TRIP4: variants seen among roughly 807,000 people sequenced by gnomAD.
TRIP4 encodes activating signal cointegrator 1.
TRIP4 carries 54 observed loss-of-function variants against 81.8 expected under a neutral mutation model. The observed-to-expected ratio is 0.66, with a 90% CI of 0.53 to 0.83. The LOEUF (loss-of-function observed/expected upper bound fraction) is 0.83, where lower values mean the gene tolerates loss of function less well. Ranked by LOEUF, TRIP4 falls within the 40% of genes least tolerant of loss-of-function variation. The probability of loss-of-function intolerance (pLI) is 0.00; values close to 1 mark genes in which losing one functional copy is unlikely to be tolerated. For missense variants in TRIP4, 662 were observed against 683.6 expected (o/e 0.97, Z 0.35); for synonymous variants, 270 against 242.8 (o/e 1.11, Z -1.04).
intron 8 of TRIP4, among the ~76,000 whole-genome samples, chr15:64,417,453 A>C (rs1891912884): frequency 2.1e-5 from 2 of 93,116 alleles, no homozygotes. Flanking sequence ...CAGCTTTATA[A>C]ATTATTAATT....
chr15:64,387,988 G>A (rs375248064), intron 1 of TRIP4, 24 bp downstream of exon 1: 30 of 1,540,800 alleles, frequency 1.9e-5, no homozygotes, highest in African/African-American at 2.7e-5. Context: ...GGGTCCAAGC[G>A]GGGAAGGAGC....
At chr15:64,397,993 C>G in intron 4 of TRIP4, among the ~76,000 whole-genome samples, 175 bp downstream of exon 4, 1 of 152,098 alleles carries the variant, frequency 6.6e-6, no homozygotes, top group South Asian at 2.1e-4. Flanking sequence ...CTCTGCCTCC[C>G]GGGTTCATGC....
At position 64,446,063 on chromosome 15, in the gene TRIP4, AG is replaced by A. The variant is rs1892625762; in HGVS notation, c.1678+957del. Among the ~76,000 whole-genome samples, 4 of 152,054 alleles carry A rather than the reference AG, an allele frequency of 2.6e-5. No individual in the cohort carries two copies. The South Asian group carries it at 8.3e-4, about 32-fold the overall frequency. On this transcript the variant is annotated intron_variant, in intron 12 of 12. Transcript: ENST00000261884. ...TGAGACGGGTGGATCATCTGAGGTC[AG>A]GAGTTCGAGACCAGCCTGGCCAACA...
chr15:64,402,431 G>A (rs541105754), intron 5 of TRIP4, among the ~76,000 whole-genome samples: 6 of 152,098 alleles, frequency 3.9e-5, no homozygotes, highest in African/African-American at 1.4e-4. Context: ...ATGTTGGTCA[G>A]GCTGGTCTTG....
Position 64,445,119 on chromosome 15 carries a change from A to G in TRIP4, c.1678+11A>G. On this transcript the variant is annotated intron_variant, in intron 12 of 12. Transcript: ENST00000261884. ...GAAATCCAAAAATCTGTAAGTCATGATTTTTTTTCTTTAAGACTAGTCAAG... is the reference window on the plus strand; with the variant it reads ...GAAATCCAAAAATCTGTAAGTCATGGTTTTTTTTCTTTAAGACTAGTCAAG... 1.3e-6 allele frequency: 2 copies of G among 1,521,102 alleles called. No individual in the cohort carries two copies. The highest frequency in any genetic ancestry group is 1.2e-5 in the South Asian group (1 of 85,960). 94.2% of individuals were successfully genotyped at this position (1,521,102 alleles called of 1,614,324 possible).
At chr15:64,404,447 A>G (rs1462482108) in intron 5 of TRIP4, among the ~76,000 whole-genome samples, 1 of 151,872 alleles carries the variant, frequency 6.6e-6, no homozygotes, top group African/African-American at 2.4e-5. Flanking sequence ...CAGCCTCCCA[A>G]GTAGCTGGGA....
chr15:64,428,264 A>G (rs1263540258), intron 11 of TRIP4, among the ~76,000 whole-genome samples: 1 of 152,222 alleles, frequency 6.6e-6, no homozygotes, highest in Non-Finnish European at 1.5e-5. Flanking sequence ...ATTTGTGTAG[A>G]GAAGGGTAGG....
intron 11 of TRIP4, among the ~76,000 whole-genome samples, chr15:64,432,320 A>C (rs1408585095): frequency 6.6e-6 from 1 of 152,130 alleles, no homozygotes; most frequent in Non-Finnish European, 1.5e-5. Context: ...TTTATTCATT[A>C]ATAAATACTT....
At chr15:64,425,098 A>G (rs1869424260) in intron 10 of TRIP4, among the ~76,000 whole-genome samples, 1 of 151,948 alleles carries the variant, frequency 6.6e-6, no homozygotes, top group African/African-American at 2.4e-5. Context: ...TTCTATTCCT[A>G]TTGATATGGA....
At chr15:64,453,276 G>T (rs1892812889) in intron 12 of TRIP4, among the ~76,000 whole-genome samples, 1 of 152,224 alleles carries the variant, frequency 6.6e-6, no homozygotes. Context: ...CTAAAAAGCT[G>T]AATGGGACTC....
intron 12 of TRIP4, among the ~76,000 whole-genome samples, chr15:64,454,111 C>T (rs996435909): frequency 6.6e-6 from 1 of 151,200 alleles, no homozygotes; most frequent in African/African-American, 2.4e-5. Context: ...GGGGAAGACT[C>T]CTTGTTTTTT....
chr15:64,426,100 A>G (rs746799524), intron 11 of TRIP4, among the ~76,000 whole-genome samples: 1 of 151,956 alleles, frequency 6.6e-6, no homozygotes, highest in South Asian at 2.1e-4. Flanking sequence ...AAAAAAAGCT[A>G]TTGCCACAAT....
intron 11 of TRIP4, among the ~76,000 whole-genome samples, chr15:64,436,335 T>C (rs1295366307): frequency 1.3e-5 from 2 of 151,618 alleles, no homozygotes; most frequent in African/African-American, 2.4e-5. Context: ...GGCTTACGCC[T>C]GTAATTCCAG....
At chr15:64,430,233 C>G (rs1001228408) in intron 11 of TRIP4, among the ~76,000 whole-genome samples, 2 of 152,212 alleles carry the variant, frequency 1.3e-5, no homozygotes, top group Non-Finnish European at 2.9e-5. Context: ...CCTCTAGATC[C>G]TCAACCCTCC....
chr15:64,420,309 C>G (rs1891983390), intron 9 of TRIP4, among the ~76,000 whole-genome samples: 2 of 150,320 alleles, frequency 1.3e-5, no homozygotes. Context: ...TTAGTAGAGA[C>G]GAGGTTTCTC....
intron 7 of TRIP4, among the ~76,000 whole-genome samples, chr15:64,412,369 C>T (rs1158584407): frequency 6.6e-6 from 1 of 152,020 alleles, no homozygotes; most frequent in Non-Finnish European, 1.5e-5. Flanking sequence ...TTTGGAAATT[C>T]CTCCTCCATT....
intron 11 of TRIP4, among the ~76,000 whole-genome samples, chr15:64,433,388 G>A (rs1344810718): frequency 2.0e-5 from 3 of 151,960 alleles, no homozygotes; most frequent in Non-Finnish European, 4.4e-5. Flanking sequence ...AATGTCCAGG[G>A]TGAGGAGTTC....
intron 12 of TRIP4, 104 bp downstream of exon 12, chr15:64,445,212 A>ATAACTGACT: frequency 8.5e-6 from 5 of 586,502 alleles, no homozygotes; most frequent in Non-Finnish European, 1.5e-5. Context: ...GTGAACAATC[A>ATAACTGACT]GTTGAGGTAA....
chr15:64,399,392 T>C (rs1451686889), intron 4 of TRIP4, among the ~76,000 whole-genome samples: 1 of 152,184 alleles, frequency 6.6e-6, no homozygotes, highest in Non-Finnish European at 1.5e-5. Context: ...GAGCAAGCTC[T>C]TATAGCTGCT....
Sources: allele counts gnomAD v4.1 joint callset (sites outside exome capture counted in the v4.1 genomes callset), GRCh38; gene constraint gnomAD v4.1.1; transcripts MANE v1.5; gene names NCBI Gene and HGNC (gene_info 2026-07-23, HGNC 2026-07-21).